Variants in ADAM9 observed in about 807,000 individuals in gnomAD.
ADAM9 encodes the protein ADAM metallopeptidase domain 9, also known as disintegrin and metalloproteinase domain-containing protein 9.
ADAM9 carries 54 observed loss-of-function variants against 108.1 expected under a neutral mutation model. The observed-to-expected ratio is 0.50, with a 90% CI of 0.40 to 0.63. The LOEUF (loss-of-function observed/expected upper bound fraction) is 0.63. ADAM9 is among the 20% of genes least tolerant of loss of function. The pLI, the probability that ADAM9 is intolerant of heterozygous loss-of-function variation, is 0.00. For missense variants in ADAM9, 830 were observed against 997.7 expected, an observed-to-expected ratio of 0.83 and a Z score of 2.26; for synonymous variants, 316 against 336.0, an observed-to-expected ratio of 0.94 and a Z score of 0.65.
At position 39,023,301 on chromosome 8, in the gene ADAM9, G is replaced by C; in HGVS notation, c.890G>C (p.Arg297Thr). 10 of 1,613,102 alleles carry C rather than the reference G, an allele frequency of 6.2e-6. No individual in the cohort carries two copies. Among genetic ancestry groups the C allele is most frequent in the Non-Finnish European group, 8.5e-6 (10 of 1,179,540 alleles). The part of the protein sequence containing the change: ...WREKFLITRR[R>T]HDSAQLVLKK... ...GAAAAGTTTCTTATCACACGTCGGA[G>C]ACATGACAGTGCACAGCTAGTTCTG... The change falls in exon 9 of 22, where the codon AGA becomes ACA. Residue 297 changes from arginine to threonine, a missense_variant. By Grantham distance (71) the Arg-to-Thr change is moderately conservative (BLOSUM62 -1). This residue lies in a region of ADAM9 where 381 missense variants were observed against 539.8 expected (regional missense o/e 0.71). Transcript: ENST00000487273.
intron 13 of ADAM9, 98 bp downstream of exon 13, chr8:39,054,671 A>G: frequency 2.8e-6 from 3 of 1,067,738 alleles, no homozygotes; most frequent in Non-Finnish European, 4.0e-6. Context: ...CTGAGTCAGC[A>G]CTATTTTTAT....
At position 39,017,338 on chromosome 8, in the gene ADAM9, T is replaced by G; in HGVS notation, c.530T>G (p.Val177Gly). The G allele has an allele frequency of 6.2e-7, 1 of 1,613,966 alleles. No homozygotes were observed. The highest frequency in any genetic ancestry group is 8.5e-7 in the Non-Finnish European group (1 of 1,179,990). ...DVYKEPLKCG[V>G]SNKDIEKETA... ...TACAAAGAGCCTCTGAAATGTGGAGTTTCCAACAAGGATATAGAGAAAGAA... is the reference window on the plus strand; with the variant it reads ...TACAAAGAGCCTCTGAAATGTGGAGGTTCCAACAAGGATATAGAGAAAGAA... Residue 177 changes from valine to glycine, a missense_variant, in exon 6 of 22, where the codon GTT becomes GGT. By Grantham distance (109) the Val-to-Gly change is moderately radical. Transcript: ENST00000487273.
chr8:39,027,669 A>C (rs1836964635), intron 11 of ADAM9, among the ~76,000 whole-genome samples: 1 of 152,194 alleles, frequency 6.6e-6, no homozygotes, highest in Admixed American at 6.5e-5. Context: ...TGTAATGCCA[A>C]CGAGGTTCCT....
Position 39,037,080 on chromosome 8 carries a change from G to T in ADAM9, c.1131-4866G>T, listed in dbSNP as rs192992648. Among the ~76,000 whole-genome samples, 1,168 of 86,378 alleles carry T rather than the reference G, an allele frequency of 0.014. 67 individuals are homozygous for T. The Admixed American group carries it at 0.14, about 10-fold the overall frequency. 56.7% of individuals were successfully genotyped at this position (86,378 alleles called of 152,430 possible). On this transcript the variant is annotated intron_variant, in intron 11 of 21. Coordinates refer to ENST00000487273, the MANE Select transcript of ADAM9 (RefSeq NM_003816.3). Reference sequence around the variant, plus strand: ...TTTTTTTTTTTTTTTTTTTTGAGACGGAGTCTCGCTCTGTCACCCAGGCTG... The same window carrying T: ...TTTTTTTTTTTTTTTTTTTTGAGACTGAGTCTCGCTCTGTCACCCAGGCTG...
intron 11 of ADAM9, among the ~76,000 whole-genome samples, chr8:39,037,308 C>T (rs1316113960): frequency 1.4e-5 from 2 of 147,208 alleles, no homozygotes; most frequent in Non-Finnish European, 3.0e-5. Flanking sequence ...CTCGGCCTCC[C>T]AAAGTGCTGG....
chr8:39,104,985 A>C lies in ADAM9; in HGVS notation c.*1285A>C. ...ACAAATACAACATTTACAATAAATA[A>C]AATACTTGAAATTCTCTTTTGTGTC... On this transcript the variant is annotated 3_prime_UTR_variant, in exon 22 of 22. Transcript: ENST00000487273. 2.3e-6 allele frequency: 1 copy of C among 428,110 alleles called. No homozygotes were observed. Among genetic ancestry groups the C allele is most frequent in the Non-Finnish European group, 4.6e-6 (1 of 219,654 alleles). The allele number at this position is 428,110 out of a possible 1,614,324, so 26.5% of individuals were successfully genotyped here.
chr8:39,075,780 T>C (rs1234322502), intron 15 of ADAM9: 3 of 152,248 alleles, frequency 2.0e-5, no homozygotes, highest in African/African-American at 7.2e-5. Context: ...TACTTTATGC[T>C]ACACTTTGTT....
Position 39,018,862 on chromosome 8 carries a change from G to C in ADAM9, c.616G>C (p.Ala206Pro), listed in dbSNP as rs1318980450. 4 of 1,613,922 alleles carry C rather than the reference G, an allele frequency of 2.5e-6. No individual in the cohort carries two copies. Among genetic ancestry groups the C allele is most frequent in the Non-Finnish European group, 3.4e-6 (4 of 1,179,960 alleles). ...TTTGTGTTTTTGACAGAGAAGAAGAGCTGTCTTGCCACAGACCCGGTATGT... is the reference window on the plus strand; with the variant it reads ...TTTGTGTTTTTGACAGAGAAGAAGACCTGTCTTGCCACAGACCCGGTATGT... ...SMTQLLRRRRAVLPQTRYVEL... is the reference protein window; with the variant it reads ...SMTQLLRRRRPVLPQTRYVEL... Residue 206 changes from alanine (A) to proline (P), a missense_variant, in exon 7 of 22, where the codon GCT becomes CCT. Physicochemically the swap from Ala to Pro is conservative, Grantham distance 27 (BLOSUM62 -1). Around this residue, in one of 3 missense-constraint regions of ADAM9, gnomAD observed 381 missense variants for 539.8 expected, o/e 0.71. Transcript: ENST00000487273.
intron 12 of ADAM9, among the ~76,000 whole-genome samples, chr8:39,049,722 A>T (rs1837894342): frequency 1.3e-5 from 2 of 152,230 alleles, no homozygotes; most frequent in Non-Finnish European, 2.9e-5. Context: ...TACAGGCGTG[A>T]GCCACTGCGC....
chr8:39,008,940 CAAT>C (rs1836254523), intron 2 of ADAM9, among the ~76,000 whole-genome samples: 1 of 152,130 alleles, frequency 6.6e-6, no homozygotes, highest in Non-Finnish European at 1.5e-5. Context: ...TATAATTTAA[CAAT>C]GACAGGTAAT....
chr8:39,071,594 G>C (rs1164809560), intron 15 of ADAM9, among the ~76,000 whole-genome samples, 191 bp downstream of exon 15: 9 of 151,708 alleles, frequency 5.9e-5, no homozygotes, highest in African/African-American at 2.2e-4. Context: ...AGCCTCCTGA[G>C]TAGCTGGGAC....
intron 14 of ADAM9, among the ~76,000 whole-genome samples, chr8:39,065,229 T>C (rs1838422074): frequency 6.7e-6 from 1 of 150,202 alleles, no homozygotes; most frequent in African/African-American, 2.5e-5. Flanking sequence ...TTTTTTGACC[T>C]ACTTTCTGAG....
intron 1 of ADAM9, among the ~76,000 whole-genome samples, chr8:38,999,076 G>C (rs144487772): frequency 4.3e-4 from 66 of 152,224 alleles, no homozygotes; most frequent in African/African-American, 1.5e-3. Flanking sequence ...TTTTGTAATA[G>C]TGTGCAGTGA....
Position 39,103,617 on chromosome 8 carries a change from C to G in ADAM9, c.2377C>G (p.Pro793Ala). The G allele has an allele frequency of 6.2e-7, 1 of 1,614,018 alleles. No homozygotes were observed. Among genetic ancestry groups the G allele is most frequent in the Non-Finnish European group, 8.5e-7 (1 of 1,179,944 alleles). ...CTTTTCCCCTCGCAGGCCACCTCCA[C>G]CACAACCGAAAGTATCATCTCAGGG... ...PQQFPSRPPP[P>A]QPKVSSQGNL... is the part of the protein sequence containing the mutation. Residue 793 changes from proline (P) to alanine (A), a missense_variant, in exon 22 of 22, where the codon CCA becomes GCA. By Grantham distance (27) the Pro-to-Ala change is conservative. This residue lies in a region of ADAM9 where 238 missense variants were observed against 235.7 expected (regional missense o/e 1.01). Coordinates refer to ENST00000487273, the MANE Select transcript of ADAM9 (RefSeq NM_003816.3).
intron 11 of ADAM9, among the ~76,000 whole-genome samples, chr8:39,039,675 G>A (rs1346525890): frequency 6.6e-6 from 1 of 152,056 alleles, no homozygotes; most frequent in African/African-American, 2.4e-5. Context: ...CTTGCTTCAC[G>A]CAGCATAACA....
At chr8:39,089,905 G>A (rs369860300) in intron 18 of ADAM9, 142 bp from the exon 19 acceptor site, 3 of 917,164 alleles carry the variant, frequency 3.3e-6, no homozygotes, top group Non-Finnish European at 5.3e-6. Context: ...AATGAACTTT[G>A]TGGAAGACTT....
At chr8:39,091,512 G>C (rs1347045703) in intron 20 of ADAM9, among the ~76,000 whole-genome samples, 166 bp downstream of exon 20, 2 of 151,076 alleles carry the variant, frequency 1.3e-5, no homozygotes, top group Non-Finnish European at 3.0e-5. Context: ...TTTCGAGACA[G>C]AGCCTTGCTC....
At chr8:39,045,036 AC>A (rs1188082585) in intron 12 of ADAM9, among the ~76,000 whole-genome samples, 1 of 97,546 alleles carries the variant, frequency 1.0e-5, no homozygotes, top group Non-Finnish European at 2.1e-5. Flanking sequence ...GTGCATACAT[AC>A]ATATGTATGT....
chr8:39,073,139 T>C (rs1838750400), intron 15 of ADAM9, among the ~76,000 whole-genome samples: 1 of 152,220 alleles, frequency 6.6e-6, no homozygotes, highest in Non-Finnish European at 1.5e-5. Flanking sequence ...AAAGAAAAAG[T>C]ATATTCTGCA....
Sources: allele counts gnomAD v4.1 joint callset (sites outside exome capture counted in the v4.1 genomes callset), GRCh38; gene constraint gnomAD v4.1.1; regional missense constraint gnomAD v4.1.1; transcripts MANE v1.5; gene names NCBI Gene and HGNC (gene_info 2026-07-23, HGNC 2026-07-21).